Variants in CD86 observed in about 807,000 individuals in gnomAD.
CD86 encodes CD86 molecule.
In CD86, 11 loss-of-function variants were observed where a neutral mutation model predicts 32.1. The observed-to-expected ratio is 0.34, with a 90% CI of 0.22 to 0.57. The LOEUF is 0.57. CD86 is among the 20% of genes least tolerant of loss of function. The pLI is 0.86. For missense variants in CD86, 359 were observed against 398.4 expected (o/e 0.90, Z 0.84); for synonymous variants, 137 against 135.3 (o/e 1.01, Z -0.09).
intron 2 of CD86, among the ~76,000 whole-genome samples, chr3:122,100,559 T>C (rs1442750806): frequency 6.6e-6 from 1 of 152,200 alleles, no homozygotes; most frequent in Admixed American, 6.5e-5. Flanking sequence ...AGATAATTCT[T>C]AAACATATAA....
intron 2 of CD86, among the ~76,000 whole-genome samples, chr3:122,098,396 G>A (rs151175243): frequency 6.6e-6 from 1 of 152,270 alleles, no homozygotes; most frequent in Non-Finnish European, 1.5e-5. Context: ...GAGACAGAGT[G>A]TGTGATCTTT....
chr3:122,107,182 G>A (rs1170320573), intron 4 of CD86, among the ~76,000 whole-genome samples: 1 of 152,168 alleles, frequency 6.6e-6, no homozygotes, highest in African/African-American at 2.4e-5. Flanking sequence ...TAAAGGAAGG[G>A]GTACCTTGTA....
chr3:122,096,749 C>T (rs2072914171), intron 2 of CD86, among the ~76,000 whole-genome samples: 1 of 152,224 alleles, frequency 6.6e-6, no homozygotes, highest in African/African-American at 2.4e-5. Context: ...AGATTGAACT[C>T]ACGCTGTCCA....
intron 2 of CD86, among the ~76,000 whole-genome samples, chr3:122,103,302 A>G (rs2073038921): frequency 6.6e-6 from 1 of 152,182 alleles, no homozygotes; most frequent in South Asian, 2.1e-4. Context: ...TGCAGTTTGT[A>G]CAAGGCCACA....
chr3:122,082,282 T>C (rs982866035), intron 1 of CD86, among the ~76,000 whole-genome samples: 3 of 152,236 alleles, frequency 2.0e-5, no homozygotes, highest in African/African-American at 7.2e-5. Flanking sequence ...CTTTTAGTTA[T>C]TGGAACTACT....
chr3:122,106,277 A>C lies in CD86; in HGVS notation c.480A>C (p.Ile160=). 1 of 1,613,746 alleles carries C rather than the reference A, an allele frequency of 6.2e-7. No individual in the cohort carries two copies. The highest frequency in any genetic ancestry group is 8.5e-7 in the Non-Finnish European group (1 of 1,179,660). The change falls in exon 4 of 7, where the codon ATA becomes ATC. Residue 160 remains isoleucine (I), a synonymous_variant. Coordinates refer to ENST00000330540, the MANE Select transcript of CD86 (RefSeq NM_175862.5). ...ACATAAATTTGACCTGCTCATCTAT[A>C]CACGGTTACCCAGAACCTAAGAAGA... is the stretch of plus-strand genomic sequence containing the variant. The part of the protein sequence containing the change: ...NVYINLTCSS[I]HGYPEPKKMS...
intron 2 of CD86, among the ~76,000 whole-genome samples, chr3:122,101,511 A>ATAT (rs1450462144): frequency 0.029 from 699 of 24,062 alleles, 1 homozygote; most frequent in Middle Eastern, 0.094. Context: ...AAAAAAAAAA[A>ATAT]AAATATATAT....
intron 2 of CD86, among the ~76,000 whole-genome samples, chr3:122,100,765 G>A (rs934900233): frequency 6.6e-6 from 1 of 152,194 alleles, no homozygotes; most frequent in Non-Finnish European, 1.5e-5. Context: ...TGAGCGACTT[G>A]TTCCTGACAT....
rs2681417 is a variant in CD86 at position 122,106,350 on chromosome 3, G to A, written c.553G>A (p.Val185Ile). 1,482,863 of 1,613,848 alleles carry A rather than the reference G, an allele frequency of 0.92. 684,103 individuals carry two copies. The highest frequency in any genetic ancestry group is 1 in the East Asian group (44,742 of 44,876). The change falls in exon 4 of 7, where the codon GTT becomes ATT. Residue 185 changes from valine to isoleucine, a missense_variant. By Grantham distance (29) the Val-to-Ile change is conservative. Coordinates refer to ENST00000330540, the MANE Select transcript of CD86 (RefSeq NM_175862.5). ...TKNSTIEYDG[V>I]MQKSQDNVTE... ...GAATTCAACTATCGAGTATGATGGT[G>A]TTATGCAGAAATCTCAAGATAATGT...
chr3:122,071,828 A>T (rs1245212862), intron 1 of CD86, among the ~76,000 whole-genome samples: 2 of 149,528 alleles, frequency 1.3e-5, no homozygotes, highest in Non-Finnish European at 3.0e-5. Flanking sequence ...TGCACCCATT[A>T]ACTCATCATT....
At position 122,111,703 on chromosome 3, in the gene CD86, A is replaced by G. The variant is rs556028897; in HGVS notation, c.847+2295A>G. ...AGGAAATTAGGATCTCAGTTCTGCA[A>G]CTATAAGGAGCTGAATTCTGCCAAG... On this transcript the variant is annotated intron_variant, in intron 5 of 6. Coordinates refer to ENST00000330540, the MANE Select transcript of CD86 (RefSeq NM_175862.5). Among the ~76,000 whole-genome samples the G allele has an allele frequency of 3.3e-5, 5 of 152,354 alleles. No homozygotes were observed. In the East Asian group the frequency reaches 7.7e-4, roughly 24 times the overall value.
intron 1 of CD86, among the ~76,000 whole-genome samples, chr3:122,069,716 C>G (rs1050774491): frequency 2.0e-4 from 31 of 152,156 alleles, no homozygotes; most frequent in Non-Finnish European, 3.8e-4. Context: ...GATGGACCTT[C>G]CTCCACACAC....
At chr3:122,093,689 G>A (rs2072863214) in intron 2 of CD86, among the ~76,000 whole-genome samples, 1 of 152,208 alleles carries the variant, frequency 6.6e-6, no homozygotes, top group Non-Finnish European at 1.5e-5. Context: ...ATACATGACA[G>A]TATATGCATA....
intron 5 of CD86, among the ~76,000 whole-genome samples, chr3:122,117,377 C>T (rs553208479): frequency 1.3e-5 from 2 of 152,338 alleles, no homozygotes; most frequent in South Asian, 4.1e-4. Flanking sequence ...GACAGAATCA[C>T]AAAACCATCA....
intron 1 of CD86, among the ~76,000 whole-genome samples, chr3:122,084,167 A>G (rs1279532011): frequency 6.6e-6 from 1 of 152,126 alleles, no homozygotes; most frequent in Non-Finnish European, 1.5e-5. Flanking sequence ...TTGTATTTTT[A>G]GTAGAGACGG....
At chr3:122,087,666 G>A (rs1469671852) in intron 1 of CD86, among the ~76,000 whole-genome samples, 1 of 152,088 alleles carries the variant, frequency 6.6e-6, no homozygotes, top group Non-Finnish European at 1.5e-5. Flanking sequence ...GATGGTGTGT[G>A]GTCTCCAAAT....
intron 1 of CD86, among the ~76,000 whole-genome samples, chr3:122,059,141 T>C (rs1462014809): frequency 5.3e-5 from 8 of 152,022 alleles, no homozygotes. Flanking sequence ...GACAAGTAGA[T>C]ATTTAGGTGC....
rs2073092364 is a variant in CD86 at position 122,106,385 on chromosome 3, G to A, written c.588G>A (p.Leu196=). Residue 196 remains leucine (L), a synonymous_variant, in exon 4 of 7, where the codon CTG becomes CTA. Transcript: ENST00000330540. ...AATCTCAAGATAATGTCACAGAACT[G>A]TACGACGTTTCCATCAGCTTGTCTG... is the stretch of plus-strand genomic sequence containing the variant. The part of the protein sequence containing the change: ...MQKSQDNVTE[L]YDVSISLSVS... 1 of 1,613,918 alleles carries A rather than the reference G, an allele frequency of 6.2e-7. No homozygotes were observed. Among genetic ancestry groups the A allele is most frequent in the Non-Finnish European group, 8.5e-7 (1 of 1,179,928 alleles).
intron 1 of CD86, among the ~76,000 whole-genome samples, chr3:122,081,952 C>G (rs2072640647): frequency 6.6e-6 from 1 of 152,120 alleles, no homozygotes; most frequent in Admixed American, 6.5e-5. Context: ...TTTAAATGTA[C>G]CATATTGTCT....
Sources: allele counts gnomAD v4.1 joint callset (sites outside exome capture counted in the v4.1 genomes callset), GRCh38; gene constraint gnomAD v4.1.1; transcripts MANE v1.5; gene names NCBI Gene and HGNC (gene_info 2026-07-23, HGNC 2026-07-21).